Variants in SSPN observed in about 807,000 individuals in gnomAD.
The protein encoded by SSPN is sarcospan.
A neutral mutation model predicts 19.1 loss-of-function variants in SSPN; 15 were observed. That is an observed-to-expected ratio of 0.78 (90% confidence interval 0.52 to 1.21). The LOEUF (loss-of-function observed/expected upper bound fraction) is 1.21, where lower values mean the gene tolerates loss of function less well. SSPN is among the 50% of genes most tolerant of loss of function. The pLI is 0.00. For synonymous variants in SSPN, 147 were observed against 140.3 expected, an observed-to-expected ratio of 1.05 and a Z score of -0.34; for missense variants, 291 against 314.0, an observed-to-expected ratio of 0.93 and a Z score of 0.55.
chr12:26,130,916 C>G (rs533246108), intron 1 of SSPN, among the ~76,000 whole-genome samples: 3 of 150,298 alleles, frequency 2.0e-5, no homozygotes, highest in Non-Finnish European at 4.4e-5. Context: ...TTTTTGCAAG[C>G]TCCACCCATC....
chr12:26,200,073 C>G (rs915631169), intron 1 of SSPN, among the ~76,000 whole-genome samples: 2 of 152,318 alleles, frequency 1.3e-5, no homozygotes, highest in East Asian at 3.9e-4. Context: ...TCGATATTCT[C>G]CTGGCCCTTG....
At chr12:26,130,551 A>T (rs1944391892) in intron 1 of SSPN, among the ~76,000 whole-genome samples, 1 of 152,232 alleles carries the variant, frequency 6.6e-6, no homozygotes, top group Non-Finnish European at 1.5e-5. Context: ...CATATATAAC[A>T]ATTACCCAAC....
At chr12:26,125,429 T>C (rs749654590) in intron 1 of SSPN, 16 of 158,886 alleles carry the variant, frequency 1.0e-4, no homozygotes, top group Non-Finnish European at 1.9e-4. Flanking sequence ...GTTTGAACCA[T>C]AGAAAGGAAG....
At chr12:26,193,994 A>C (rs1944804704), upstream of SSPN, among the ~76,000 whole-genome samples, 1 of 152,228 alleles carries the variant, frequency 6.6e-6, no homozygotes, top group Admixed American at 6.5e-5. Context: ...AGCAAACAGC[A>C]GGGAATTGGA....
At chr12:26,123,189 G>A (rs777704936) in intron 1 of SSPN, 3 of 1,565,716 alleles carry the variant, frequency 1.9e-6, no homozygotes, top group Non-Finnish European at 2.6e-6. Context: ...GAAGGGATGG[G>A]GGTGGGGGAC....
At chr12:26,185,364 G>A (rs983018776) in intron 1 of SSPN, among the ~76,000 whole-genome samples, 1 of 152,204 alleles carries the variant, frequency 6.6e-6, no homozygotes, top group African/African-American at 2.4e-5. Flanking sequence ...GATTGCAAAT[G>A]ATTGACAGGC....
Position 26,172,389 on chromosome 12 carries a change from A to G in SSPN, c.-31+50237A>G, listed in dbSNP as rs756454323. ...TCCACCCTTGCTCACTGCTGTTTTC[A>G]GTTCCTTAGGTAGTTACCATCACAA... On this transcript the variant is annotated intron_variant, in intron 1 of 2. Transcript: ENST00000538142. Among the ~76,000 whole-genome samples the G allele has an allele frequency of 5.9e-5, 9 of 152,156 alleles. No homozygotes were observed. The South Asian group carries it at 8.3e-4, about 14-fold the overall frequency.
chr12:26,165,056 G>C (rs1460152607), intron 1 of SSPN, among the ~76,000 whole-genome samples: 2 of 152,090 alleles, frequency 1.3e-5, no homozygotes, highest in Non-Finnish European at 2.9e-5. Context: ...ATTTAAAAAT[G>C]CTTAGAGCAT....
At chr12:26,195,386 G>C, upstream of SSPN, 1 of 364,390 alleles carries the variant, frequency 2.7e-6, no homozygotes, top group Non-Finnish European at 4.8e-6. Context: ...AGGTTCAGGC[G>C]GCCAAGGGAC....
intron 1 of SSPN, among the ~76,000 whole-genome samples, chr12:26,143,469 T>C (rs949659244): frequency 6.6e-6 from 1 of 152,162 alleles, no homozygotes; most frequent in Non-Finnish European, 1.5e-5. Flanking sequence ...TGCGCAAGAT[T>C]ACACAGTCAG....
intron 1 of SSPN, among the ~76,000 whole-genome samples, chr12:26,184,565 C>G (rs1168790865): frequency 6.6e-6 from 1 of 152,150 alleles, no homozygotes; most frequent in Non-Finnish European, 1.5e-5. Context: ...GGACTGTGGA[C>G]TCCCTTTTTG....
At chr12:26,193,467 T>A (rs184975378), upstream of SSPN, among the ~76,000 whole-genome samples, 1 of 152,350 alleles carries the variant, frequency 6.6e-6, no homozygotes, top group African/African-American at 2.4e-5. Context: ...TACAGAATAC[T>A]CAGTAATAGG....
intron 1 of SSPN, among the ~76,000 whole-genome samples, chr12:26,141,427 C>G (rs756555185): frequency 1.1e-4 from 16 of 152,212 alleles, no homozygotes; most frequent in Non-Finnish European, 2.2e-4. Context: ...AGACTTCTAT[C>G]TCAAAGAACT....
chr12:26,160,924 A>G (rs1944584273), intron 1 of SSPN, among the ~76,000 whole-genome samples: 3 of 152,046 alleles, frequency 2.0e-5, no homozygotes, highest in African/African-American at 7.2e-5. Flanking sequence ...CCTGGCCAGC[A>G]TGGTGAAACC....
chr12:26,144,597 A>G (rs1359834757), intron 1 of SSPN, among the ~76,000 whole-genome samples: 2 of 152,178 alleles, frequency 1.3e-5, no homozygotes, highest in African/African-American at 2.4e-5. Flanking sequence ...ATTTTTCTGT[A>G]TCAAACACAG....
chr12:26,196,748 G>GTCC (rs1944833892), intron 1 of SSPN, among the ~76,000 whole-genome samples: 1 of 152,180 alleles, frequency 6.6e-6, no homozygotes, highest in South Asian at 2.1e-4. Flanking sequence ...TCCCCACATC[G>GTCC]TCCTGATGGG....
At chr12:26,191,347 A>G (rs1944786334), upstream of SSPN, among the ~76,000 whole-genome samples, 2 of 152,200 alleles carry the variant, frequency 1.3e-5, no homozygotes, top group Admixed American at 6.5e-5. Flanking sequence ...TAAGCCAGGT[A>G]TGGTGGCATG....
At chr12:26,136,580 G>A (rs147458705) in intron 1 of SSPN, among the ~76,000 whole-genome samples, 2,438 of 152,210 alleles carry the variant, frequency 0.016, 38 homozygotes, top group African/African-American at 0.043. Context: ...TGAGCTGCTT[G>A]GTTAAAATTA....
chr12:26,160,419 A>G (rs1024851563), intron 1 of SSPN, among the ~76,000 whole-genome samples: 1 of 152,232 alleles, frequency 6.6e-6, no homozygotes, highest in African/African-American at 2.4e-5. Context: ...AATCACTGCA[A>G]TCTGAACACA....
Sources: gnomAD v4.1 joint callset for allele counts (sites outside exome capture counted in the v4.1 genomes callset) on GRCh38, gnomAD v4.1.1 for gene constraint, MANE v1.5 for transcripts, NCBI Gene and HGNC (gene_info 2026-07-23, HGNC 2026-07-21) for gene names.